FAM153A: variants seen among roughly 807,000 people sequenced by gnomAD.
The protein encoded by FAM153A is family with sequence similarity 153 member A.
A neutral mutation model predicts 48.1 loss-of-function variants in FAM153A; 12 were observed. That is an observed-to-expected ratio of 0.25 (90% CI 0.16 to 0.40). FAM153A has a LOEUF of 0.40. FAM153A is among the 10% of genes least tolerant of loss of function. The pLI, the probability that FAM153A is intolerant of heterozygous loss-of-function variation, is 1.00. For synonymous variants in FAM153A, 36 were observed against 118.2 expected, an observed-to-expected ratio of 0.30 and a Z score of 4.51; for missense variants, 111 against 345.8, an observed-to-expected ratio of 0.32 and a Z score of 5.38.
rs544576875 is a variant in FAM153A, at chr5:177,759,039, C to A, written c.-56-10340G>T. Among the ~76,000 whole-genome samples, 98 of 151,864 alleles carry A rather than the reference C, an allele frequency of 6.5e-4. 3 individuals are homozygous for A. The highest frequency in any genetic ancestry group is 2.3e-3 in the African/African-American group (95 of 41,186). The stretch of plus-strand genomic sequence containing the variant: ...AACTACCATCAGAGTGAACAGGGAA[C>A]CTACAGAATGGGAGAAAAATTTTTG... On this transcript the variant is annotated intron_variant, in intron 1 of 8. Transcript: ENST00000393518.
chr5:177,757,700 C>T (rs374722191), upstream of FAM153A, among the ~76,000 whole-genome samples: 16,445 of 149,352 alleles, frequency 0.11, no homozygotes, highest in East Asian at 0.28. Flanking sequence ...CGTAATCCAG[C>T]ATATAAACAG....
chr5:177,746,802 A>G (rs1309752488), intron 4 of FAM153A, among the ~76,000 whole-genome samples: 1 of 151,636 alleles, frequency 6.6e-6, no homozygotes, highest in Admixed American at 6.6e-5. Context: ...GATGGGCACC[A>G]GGCTAACAGC....
chr5:177,717,189 C>G, exon 24 of FAM153A: 1 of 138,410 alleles, frequency 7.2e-6, no homozygotes, highest in Non-Finnish European at 1.5e-5. Context: ...AACAACACAG[C>G]CTTCCTCAGC....
At chr5:177,781,844 G>A (rs1406958485), upstream of FAM153A, among the ~76,000 whole-genome samples, 1 of 94,090 alleles carries the variant, frequency 1.1e-5, no homozygotes, top group African/African-American at 3.9e-5. Context: ...TCAGCCTCCC[G>A]AGTAGCTGGG....
At chr5:177,765,106 G>A (rs1344201801) in intron 1 of FAM153A, among the ~76,000 whole-genome samples, 2 of 98,004 alleles carry the variant, frequency 2.0e-5, no homozygotes, top group Non-Finnish European at 4.2e-5. Context: ...TAACGGATTG[G>A]CCCAGAATGC....
At chr5:177,697,566 G>A in the FAM153A span, among the ~76,000 whole-genome samples, 4 of 151,782 alleles carry the variant, frequency 2.6e-5, no homozygotes, top group Non-Finnish European at 4.4e-5. Context: ...CTTCTTACTG[G>A]GGATAGCCTG....
chr5:177,700,517 T>C, the FAM153A span, among the ~76,000 whole-genome samples: 2 of 151,784 alleles, frequency 1.3e-5, no homozygotes, highest in South Asian at 2.1e-4. Context: ...CAAAACTCAG[T>C]TGTGGCTGGG....
intron 1 of FAM153A, among the ~76,000 whole-genome samples, chr5:177,751,448 C>CTTAACACATTTAAATTAGGAAGCACTTA (rs1561937107): frequency 7.7e-6 from 1 of 130,666 alleles, no homozygotes. Context: ...AGCCTTAAAA[C>CTTAACACATTTAAATTAGGAAGCACTTA]GGGTGCTTCC....
upstream of FAM153A, among the ~76,000 whole-genome samples, chr5:177,757,144 AG>A (rs1225889156): frequency 1.2e-5 from 1 of 85,710 alleles, no homozygotes; most frequent in Non-Finnish European, 2.4e-5. Flanking sequence ...AAAATGATAA[AG>A]GGGAGATCAC....
At chr5:177,754,284 G>A (rs1329305990), upstream of FAM153A, among the ~76,000 whole-genome samples, 1 of 151,962 alleles carries the variant, frequency 6.6e-6, no homozygotes, top group Non-Finnish European at 1.5e-5. Context: ...AAGCGAGGCT[G>A]GGGTAGGGGC....
At chr5:177,708,695 T>C (rs113707129), downstream of FAM153A, among the ~76,000 whole-genome samples, 1 of 152,042 alleles carries the variant, frequency 6.6e-6, no homozygotes, top group Non-Finnish European at 1.5e-5. Flanking sequence ...TCTGATCTTT[T>C]TTTAGTGTCT....
rs1297150510 is a variant in FAM153A, at chr5:177,737,721, T to C, written c.563-609A>G. ...TTTTAGGAGAGATGGGTTTTCTCCATGTTGGTCAGCCTGGTTTCGAACGCC... is the reference window on the plus strand; with the variant it reads ...TTTTAGGAGAGATGGGTTTTCTCCACGTTGGTCAGCCTGGTTTCGAACGCC... On this transcript the variant is annotated intron_variant, in intron 10 of 20. Transcript: ENST00000614127. 6.6e-5 allele frequency among the ~76,000 whole-genome samples: 10 copies of C among 151,734 alleles called. No homozygotes were observed. In the East Asian group the frequency reaches 9.7e-4, roughly 15 times the overall value.
In FAM153A at chr5:177,741,483, T is replaced by C. The variant is rs1765419101; in HGVS notation, c.365-151A>G. 2.8e-6 allele frequency: 2 copies of C among 701,956 alleles called. 1 individual carries two copies. Among genetic ancestry groups the C allele is most frequent in the Non-Finnish European group, 4.0e-6 (2 of 495,658 alleles). The allele number at this position is 701,956 out of a possible 1,614,324, so 43.5% of individuals were successfully genotyped here. ...CCTGCCAGAACATCCTCCTTGGTGA[T>C]GAAGAAAGGTCAATGAGACCATCAG... On this transcript the variant is annotated intron_variant, in intron 6 of 20. Coordinates refer to ENST00000614127, the Ensembl canonical transcript of FAM153A.
At chr5:177,759,799 C>G (rs918249219) in intron 1 of FAM153A, among the ~76,000 whole-genome samples, 2 of 150,172 alleles carry the variant, frequency 1.3e-5, no homozygotes, top group Admixed American at 6.6e-5. Context: ...GAGCATCACA[C>G]ACCGGGGCCT....
the FAM153A span, among the ~76,000 whole-genome samples, chr5:177,699,847 A>G: frequency 1.3e-5 from 2 of 151,564 alleles, no homozygotes; most frequent in East Asian, 1.9e-4. Flanking sequence ...ATACTTCCCA[A>G]CTCCTTCTAT....
chr5:177,781,920 G>A (rs1769715582), upstream of FAM153A, among the ~76,000 whole-genome samples: 2 of 85,800 alleles, frequency 2.3e-5, no homozygotes, highest in Non-Finnish European at 2.4e-5. Context: ...TAGTAGAGAC[G>A]GGGTTTCACC....
chr5:177,730,482 A>G lies in FAM153A; in HGVS notation c.863-927T>C, dbSNP rs543993061. Among the ~76,000 whole-genome samples the G allele has an allele frequency of 9.1e-5, 11 of 120,544 alleles. 3 individuals carry two copies. In the East Asian group the frequency reaches 3.0e-3, roughly 32 times the overall value. 79.1% of individuals were successfully genotyped at this position (120,544 alleles called of 152,430 possible). A position where few individuals can be genotyped will look rare whatever the true frequency, so the allele number is the denominator to read the frequency against. ...AGGAATGACCTCAACACTGTAGTCC[A>G]AAAGCCTGAGGACTCTGTGTGTTTG... On this transcript the variant is annotated intron_variant, in intron 16 of 20. Transcript: ENST00000614127.
upstream of FAM153A, among the ~76,000 whole-genome samples, chr5:177,756,608 TA>T (rs1393810593): frequency 5.9e-5 from 9 of 151,544 alleles, no homozygotes; most frequent in African/African-American, 1.7e-4. Flanking sequence ...TCAGCAAATG[TA>T]AAAGAACAGA....
chr5:177,751,682 C>T (rs1251558642), intron 1 of FAM153A, among the ~76,000 whole-genome samples: 4 of 147,332 alleles, frequency 2.7e-5, no homozygotes. Context: ...GGGGCTGCCA[C>T]TCAGAGTTGA....
Sources: allele counts gnomAD v4.1 joint callset (sites outside exome capture counted in the v4.1 genomes callset), GRCh38; gene constraint gnomAD v4.1.1; transcripts MANE v1.5; gene names NCBI Gene and HGNC (gene_info 2026-07-23, HGNC 2026-07-21).